The following ATP8B1 variants were observed in gnomAD, a reference collection of about 807,000 sequenced individuals.
ATP8B1 encodes phospholipid-transporting ATPase IC.
In ATP8B1, 80 loss-of-function variants were observed where a neutral mutation model predicts 149.9. The observed-to-expected ratio is 0.53, with a 90% CI of 0.45 to 0.64. The LOEUF is 0.64. Ranked by LOEUF, ATP8B1 falls within the 30% of genes least tolerant of loss-of-function variation. The probability of loss-of-function intolerance (pLI) is 0.00; values close to 1 mark genes in which losing one functional copy is unlikely to be tolerated. For synonymous variants in ATP8B1, 536 were observed against 562.8 expected (o/e 0.95, Z 0.67); for missense variants, 1,247 against 1,552.6 (o/e 0.80, Z 3.31).
chr18:57,718,151 A>G (rs1176734072), intron 2 of ATP8B1, among the ~76,000 whole-genome samples: 1 of 151,734 alleles, frequency 6.6e-6, no homozygotes, highest in East Asian at 1.9e-4. Context: ...ACCCAAATAA[A>G]TAAAATCAGA....
chr18:57,741,738 A>G (rs2079915893), intron 1 of ATP8B1, among the ~76,000 whole-genome samples: 1 of 152,250 alleles, frequency 6.6e-6, no homozygotes, highest in Non-Finnish European at 1.5e-5. Flanking sequence ...TTCTAGGGTC[A>G]GGCACTCAAT....
chr18:57,760,925 GT>G (rs2080144330), intron 1 of ATP8B1, among the ~76,000 whole-genome samples: 1 of 151,804 alleles, frequency 6.6e-6, no homozygotes, highest in South Asian at 2.1e-4. Context: ...GGAGGCAGAG[GT>G]TGCAGTGAGC....
intron 4 of ATP8B1, among the ~76,000 whole-genome samples, chr18:57,703,563 C>T (rs1293228468): frequency 3.2e-5 from 4 of 126,050 alleles, no homozygotes; most frequent in African/African-American, 6.1e-5. Flanking sequence ...ACGACAAGAG[C>T]GAAACACGGT....
chr18:57,648,860 G>GTC lies in ATP8B1; in HGVS notation c.3532-149_3532-148insGA. On this transcript the variant is annotated intron_variant, in intron 27 of 27. Transcript: ENST00000648908. ...GGCAGTTCTGTCCCCACTTGTGTGT[G>GTC]TGTGTGTGTGTGTGTGTGTGTGTGT... The GTC allele has an allele frequency of 5.4e-6, 3 of 553,192 alleles. No homozygotes were observed. The South Asian group carries it at 6.3e-5, about 12-fold the overall frequency. 34.3% of individuals were successfully genotyped at this position (553,192 alleles called of 1,614,324 possible). A position where few individuals can be genotyped will look rare whatever the true frequency, so the allele number is the denominator to read the frequency against.
chr18:57,800,172 G>T (rs944483357), intron 1 of ATP8B1, among the ~76,000 whole-genome samples: 1 of 152,106 alleles, frequency 6.6e-6, no homozygotes, highest in Non-Finnish European at 1.5e-5. Context: ...AATTTAAAAG[G>T]CATCTCTTTT....
At chr18:57,706,836 G>T (rs1913422020) in intron 2 of ATP8B1, among the ~76,000 whole-genome samples, 1 of 152,180 alleles carries the variant, frequency 6.6e-6, no homozygotes, top group Admixed American at 6.5e-5. Context: ...GGAAGACGAT[G>T]CGAAGTCACA....
intron 1 of ATP8B1, among the ~76,000 whole-genome samples, chr18:57,799,031 C>G (rs972530426): frequency 3.3e-5 from 5 of 152,194 alleles, no homozygotes; most frequent in Non-Finnish European, 4.4e-5. Context: ...AATGTATTAA[C>G]GACTACCTTT....
rs188732198 is a variant in ATP8B1 at position 57,649,463 on chromosome 18, T to C, written c.3532-751A>G. ...GGGTACAGTCAAAGAGAAAATTCAG[T>C]AGGGCCTCTTTCCTGGGTTGTTACT... On this transcript the variant is annotated intron_variant, in intron 27 of 27. Coordinates refer to ENST00000648908, the MANE Select transcript of ATP8B1 (RefSeq NM_001374385.1). Among the ~76,000 whole-genome samples, 317 of 152,196 alleles carry C rather than the reference T, an allele frequency of 2.1e-3. 2 individuals carry two copies. Among genetic ancestry groups the C allele is most frequent in the Non-Finnish European group, 1.4e-3 (95 of 68,020 alleles).
intron 15 of ATP8B1, 70 bp from the exon 16 acceptor site, chr18:57,675,092 T>G (rs1599102311): frequency 1.3e-6 from 2 of 1,501,258 alleles, no homozygotes; most frequent in Non-Finnish European, 1.8e-6. Flanking sequence ...TTGAGGCCTC[T>G]GCTGAGGCTC....
intron 2 of ATP8B1, among the ~76,000 whole-genome samples, chr18:57,730,834 T>TATATATATAC (rs1432346014): frequency 4.0e-3 from 3 of 754 alleles, no homozygotes; most frequent in African/African-American, 9.2e-3. Flanking sequence ...TATATATATA[T>TATATATATAC]ACACACACAC....
chr18:57,671,028 C>T (rs1211044005), intron 17 of ATP8B1, among the ~76,000 whole-genome samples: 1 of 152,224 alleles, frequency 6.6e-6, no homozygotes, highest in Non-Finnish European at 1.5e-5. Context: ...CCGCTTCTGC[C>T]ATCTTGGCTA....
chr18:57,770,651 G>A lies in ATP8B1; in HGVS notation c.-26+32347C>T. Among the ~76,000 whole-genome samples the A allele has an allele frequency of 1.3e-5, 2 of 152,244 alleles. 1 individual carries two copies. The highest frequency in any genetic ancestry group is 2.9e-5 in the Non-Finnish European group (2 of 68,040). ...TGAGACAGGGACTTTGAGATGCACT[G>A]CAAGCCAGCCAGTGGGGAGGCTACC... On this transcript the variant is annotated intron_variant, in intron 1 of 27. Transcript: ENST00000648908.
chr18:57,773,371 A>G (rs889559569), intron 1 of ATP8B1, among the ~76,000 whole-genome samples: 102 of 152,030 alleles, frequency 6.7e-4, no homozygotes, highest in Non-Finnish European at 1.3e-4. Flanking sequence ...AAAGGGTGGG[A>G]TTTCTGGCAG....
intron 17 of ATP8B1, 149 bp from the exon 18 acceptor site, chr18:57,669,631 T>C (rs1911106932): frequency 1.3e-6 from 1 of 795,862 alleles, no homozygotes; most frequent in African/African-American, 1.8e-5. Flanking sequence ...ACAAATACAC[T>C]TTAGAGAGGG....
At chr18:57,717,284 G>A (rs559346490) in intron 2 of ATP8B1, among the ~76,000 whole-genome samples, 7 of 151,866 alleles carry the variant, frequency 4.6e-5, no homozygotes, top group African/African-American at 7.3e-5. Context: ...AGTGGCTCAC[G>A]CCTGTAATCC....
chr18:57,751,031 A>G (rs955252896), intron 1 of ATP8B1, among the ~76,000 whole-genome samples: 1 of 152,270 alleles, frequency 6.6e-6, no homozygotes, highest in Non-Finnish European at 1.5e-5. Context: ...TCCGAGGCAC[A>G]AGAATTGCTT....
intron 2 of ATP8B1, among the ~76,000 whole-genome samples, chr18:57,718,815 T>C (rs957973962): frequency 1.3e-5 from 2 of 152,102 alleles, no homozygotes; most frequent in African/African-American, 2.4e-5. Flanking sequence ...TTGATACAAT[T>C]CAACATCACT....
chr18:57,704,770 A>ACAT, intron 3 of ATP8B1, 102 bp from the exon 4 acceptor site: 2 of 772,906 alleles, frequency 2.6e-6, no homozygotes, highest in Non-Finnish European at 2.2e-6. Context: ...TGACAAAGGA[A>ACAT]CATCATCTGT....
At chr18:57,763,740 A>G (rs988451618) in intron 1 of ATP8B1, among the ~76,000 whole-genome samples, 1 of 151,916 alleles carries the variant, frequency 6.6e-6, no homozygotes, top group Non-Finnish European at 1.5e-5. Context: ...TGAAAAATTT[A>G]TTTTTGCATA....
Sources: allele counts gnomAD v4.1 joint callset (sites outside exome capture counted in the v4.1 genomes callset), GRCh38; gene constraint gnomAD v4.1.1; transcripts MANE v1.5; gene names NCBI Gene and HGNC (gene_info 2026-07-23, HGNC 2026-07-21).